Variants in CPT1C observed in about 807,000 individuals in gnomAD.
CPT1C encodes the protein carnitine palmitoyltransferase 1C, also known as palmitoyl thioesterase CPT1C.
Under a neutral mutation model 97.3 loss-of-function variants are expected in CPT1C, and 61 were observed. That is an observed-to-expected ratio of 0.63 (90% CI 0.51 to 0.78). CPT1C has a LOEUF of 0.78. Among genes scored for constraint, CPT1C ranks in the 30% least tolerant of loss-of-function variants. CPT1C has a pLI of 0.00. For synonymous variants in CPT1C, 469 were observed against 447.2 expected (o/e 1.05, Z -0.61); for missense variants, 975 against 1,065.5 (o/e 0.92, Z 1.18).
chr19:49,703,345 A>T (rs1226702431), intron 7 of CPT1C, among the ~76,000 whole-genome samples: 10 of 145,380 alleles, frequency 6.9e-5, no homozygotes, highest in South Asian at 4.3e-4. Context: ...ATACCTGGCT[A>T]ATTTCTTTTT....
At position 49,702,034 on chromosome 19, in the gene CPT1C, T is replaced by TAAATAAATAC. The variant is rs1568521198; in HGVS notation, c.693+401_693+402insAATAAATACA. Among the ~76,000 whole-genome samples the TAAATAAATAC allele has an allele frequency of 6.2e-5, 6 of 96,910 alleles. 1 individual carries two copies. The East Asian group carries it at 1.4e-3, about 23-fold the overall frequency. 63.6% of individuals were successfully genotyped at this position (96,910 alleles called of 152,430 possible). On this transcript the variant is annotated intron_variant, in intron 7 of 19. Coordinates refer to ENST00000598293, the MANE Select transcript of CPT1C (RefSeq NM_001199753.2). ...TATATTTATTTATAAATTATAAATA[T>TAAATAAATAC]ATATTTATTTATAAATTATAAATAT...
chr19:49,703,369 T>G (rs59378031), intron 7 of CPT1C, among the ~76,000 whole-genome samples: 8,291 of 149,064 alleles, frequency 0.056, 761 homozygotes, highest in African/African-American at 0.2. Flanking sequence ...TTTTTTTGTA[T>G]TTTTGTATTT....
At position 49,711,926 on chromosome 19, in the gene CPT1C, C is replaced by G. The variant is rs1277088734; in HGVS notation, c.1984C>G (p.Arg662Gly). 4 of 1,614,078 alleles carry G rather than the reference C, an allele frequency of 2.5e-6. No homozygotes were observed. The highest frequency in any genetic ancestry group is 3.4e-6 in the Non-Finnish European group (4 of 1,180,026). ...CCTGTTTGCGCTGTACATCGTGTCC[C>G]GATTCCTCCACCTGCAGTCGCCCTT... ...RHLFALYIVSRFLHLQSPFLT... is the reference protein window; with the variant it reads ...RHLFALYIVSGFLHLQSPFLT... The change falls in exon 17 of 20, where the codon CGA becomes GGA. Residue 662 changes from arginine to glycine, a missense_variant. Physicochemically the swap from Arg to Gly is moderately radical, Grantham distance 125 (BLOSUM62 -2). Transcript: ENST00000598293.
At position 49,701,690 on chromosome 19, in the gene CPT1C, G is replaced by C. The variant is rs927171451; in HGVS notation, c.693+56G>C. On this transcript the variant is annotated intron_variant, in intron 7 of 19. Transcript: ENST00000598293. ...CCTGAAGGGCTAAGGTTGTGAGCTC[G>C]CCTGCTAAACTTGCGAGTTATACGC... is the stretch of plus-strand genomic sequence containing the variant. 4.0e-6 allele frequency: 6 copies of C among 1,515,146 alleles called. No individual in the cohort carries two copies. The South Asian group carries it at 6.2e-5, about 16-fold the overall frequency. The allele number at this position is 1,515,146 out of a possible 1,614,324, so 93.9% of individuals were successfully genotyped here. A position where few individuals can be genotyped will look rare whatever the true frequency, so the allele number is the denominator to read the frequency against.
chr19:49,706,253 A>G lies in CPT1C; in HGVS notation c.1183A>G (p.Thr395Ala). The G allele has an allele frequency of 6.5e-7, 1 of 1,541,516 alleles. No individual in the cohort carries two copies. The highest frequency in any genetic ancestry group is 8.7e-7 in the Non-Finnish European group (1 of 1,146,746). The change falls in exon 12 of 20, where the codon ACA becomes GCA. Residue 395 changes from threonine to alanine, a missense_variant. Thr to Ala is a moderately conservative substitution (Grantham distance 58). Transcript: ENST00000598293. This position sits in a 1 kb window ranked among gnomAD's most constrained non-coding sequence, Gnocchi z 4.8. ...CAGGGGCACGTGGGCCCAGGTGCGG[A>G]CATCCCTGAAGACCCAGGCAGCGGA... ...APRGTWAQVRTSLKTQAAEAL... is the reference protein window; with the variant it reads ...APRGTWAQVRASLKTQAAEAL...
intron 4 of CPT1C, among the ~76,000 whole-genome samples, chr19:49,699,787 T>G (rs1404693087): frequency 6.6e-6 from 1 of 152,106 alleles, no homozygotes; most frequent in African/African-American, 2.4e-5. Flanking sequence ...AAACCCTCTC[T>G]ACTAAAAATG....
intron 7 of CPT1C, among the ~76,000 whole-genome samples, chr19:49,701,931 AATATTTATAAATTTATATATAAAT>A (rs1370941901): frequency 2.6e-5 from 2 of 76,806 alleles, no homozygotes; most frequent in African/African-American, 1.6e-4. Flanking sequence ...TACAAATATT[AATATTTATAAATTTATATATAAAT>A]ATATTTATAT....
intron 16 of CPT1C, 60 bp downstream of exon 16, chr19:49,710,917 A>C: frequency 6.5e-7 from 1 of 1,543,038 alleles, no homozygotes; most frequent in South Asian, 1.2e-5. Context: ...ATCCACTTGC[A>C]AACGTTGATG....
Position 49,713,453 on chromosome 19 carries a change from G to C in CPT1C, c.2260G>C (p.Ala754Pro). 2 of 1,613,974 alleles carry C rather than the reference G, an allele frequency of 1.2e-6. No homozygotes were observed. Among genetic ancestry groups the C allele is most frequent in the Non-Finnish European group, 1.7e-6 (2 of 1,179,906 alleles). ...CAGGCTGGGGCAGCACATTGAGGAC[G>C]CACTGCTGGATGTGGCCTCCCTGTT... ...SHRLGQHIED[A>P]LLDVASLFQA... Residue 754 changes from alanine to proline, a missense_variant, in exon 20 of 20, where the codon GCA becomes CCA. Ala to Pro is a conservative substitution (Grantham distance 27). Transcript: ENST00000598293.
At chr19:49,712,874 C>A (rs1391573803) in intron 18 of CPT1C, 25 bp downstream of exon 18, 3 of 1,604,326 alleles carry the variant, frequency 1.9e-6, no homozygotes, top group Non-Finnish European at 2.6e-6. Flanking sequence ...GCGCGCTGGC[C>A]CCCAGAGGAA....
Position 49,706,438 on chromosome 19 carries a change from C to G in CPT1C, c.1343+25C>G. 1 of 1,440,240 alleles carries G rather than the reference C, an allele frequency of 6.9e-7. No homozygotes were observed. Among genetic ancestry groups the G allele is most frequent in the South Asian group, 1.5e-5 (1 of 68,702 alleles). The allele number at this position is 1,440,240 out of a possible 1,614,324, so 89.2% of individuals were successfully genotyped here. A position where few individuals can be genotyped will look rare whatever the true frequency, so the allele number is the denominator to read the frequency against. On this transcript the variant is annotated intron_variant, in intron 12 of 19. Transcript: ENST00000598293. This position sits in a 1 kb window ranked among gnomAD's most constrained non-coding sequence, Gnocchi z 4.8. ...GGTGAGTGAGTCTTGGGATGGGGCCCCCAGATGTGGCACCCGAGAATCCAG... is the reference window on the plus strand; with the variant it reads ...GGTGAGTGAGTCTTGGGATGGGGCCGCCAGATGTGGCACCCGAGAATCCAG...
Position 49,706,885 on chromosome 19 carries a change from G to A in CPT1C, c.1343+472G>A, listed in dbSNP as rs2083528752. ...CCAGACCTAGAGATTCTCAGGCCTG[G>A]CAGGCATCACTGAATTCCTAGGCCC... On this transcript the variant is annotated intron_variant, in intron 12 of 19. Coordinates refer to ENST00000598293, the MANE Select transcript of CPT1C (RefSeq NM_001199753.2). This position sits in a 1 kb window ranked among gnomAD's most constrained non-coding sequence, Gnocchi z 4.8. Among the ~76,000 whole-genome samples, 2 of 152,146 alleles carry A rather than the reference G, an allele frequency of 1.3e-5. No individual in the cohort carries two copies. The highest frequency in any genetic ancestry group is 4.1e-4 in the South Asian group (2 of 4,824).
In CPT1C at chr19:49,708,802, C is replaced by G. The variant is rs781152018; in HGVS notation, c.1529C>G (p.Pro510Arg). 5 of 1,613,744 alleles carry G rather than the reference C, an allele frequency of 3.1e-6. No homozygotes were observed. The highest frequency in any genetic ancestry group is 2.7e-5 in the African/African-American group (2 of 74,896). The change falls in exon 14 of 20, where the codon CCC becomes CGC. Residue 510 changes from proline (P) to arginine (R), a missense_variant. Coordinates refer to ENST00000598293, the MANE Select transcript of CPT1C (RefSeq NM_001199753.2). ...AAGGGGCACCCGGACCCCACACTAC[C>G]CCAGCCCCAGCGGCTGCAATGGGAC... ...HCKGHPDPTL[P>R]QPQRLQWDLP...
At chr19:49,694,586 G>T (rs572159245) in intron 3 of CPT1C, among the ~76,000 whole-genome samples, 26 of 145,022 alleles carry the variant, frequency 1.8e-4, no homozygotes, top group Non-Finnish European at 3.7e-4. Flanking sequence ...CCAAGATTGC[G>T]CCACTGCACT....
Position 49,692,228 on chromosome 19 carries a change from GC to G in CPT1C, c.-14-8del. On this transcript the variant is annotated splice_polypyrimidine_tract_variant and intron_variant, in intron 2 of 19. Transcript: ENST00000598293. ...GGCTGGGGTCCTGAAGTATGACTCT[GC>G]CCGACTCAGGGCTCCAGCGTGACAT... 1 of 1,611,934 alleles carries G rather than the reference GC, an allele frequency of 6.2e-7. No homozygotes were observed. Among genetic ancestry groups the G allele is most frequent in the Non-Finnish European group, 8.5e-7 (1 of 1,179,828 alleles).
chr19:49,709,851 C>T (rs540821719), intron 14 of CPT1C, among the ~76,000 whole-genome samples: 4 of 145,304 alleles, frequency 2.8e-5, no homozygotes, highest in East Asian at 2.0e-4. Context: ...CCACCGCGCC[C>T]GGCATTTTTT....
chr19:49,705,879 C>A, intron 10 of CPT1C, 30 bp from the exon 11 acceptor site: 2 of 1,586,292 alleles, frequency 1.3e-6, no homozygotes, highest in South Asian at 2.3e-5. Context: ...GGCCTTCCTG[C>A]CCCCATGCTT....
At position 49,706,118 on chromosome 19, in the gene CPT1C, G is replaced by A. The variant is rs775260321; in HGVS notation, c.1160+14G>A. 1 of 1,601,654 alleles carries A rather than the reference G, an allele frequency of 6.2e-7. No individual in the cohort carries two copies. Among genetic ancestry groups the A allele is most frequent in the Non-Finnish European group, 8.5e-7 (1 of 1,172,816 alleles). ...AGCTGCTCCCAGGTAAGGGTCAGGG[G>A]TCAGGGGTCAGGGGCTCTCAGAGGC... On this transcript the variant is annotated intron_variant, in intron 11 of 19. Coordinates refer to ENST00000598293, the MANE Select transcript of CPT1C (RefSeq NM_001199753.2). This position sits in a 1 kb window ranked among gnomAD's most constrained non-coding sequence, Gnocchi z 4.8.
At chr19:49,693,167 C>G (rs2082449703) in intron 3 of CPT1C, among the ~76,000 whole-genome samples, 1 of 152,174 alleles carries the variant, frequency 6.6e-6, no homozygotes, top group Admixed American at 6.5e-5. Flanking sequence ...AATGAGCCAC[C>G]GCGCCCGGCC....
Sources: gnomAD v4.1 joint callset for allele counts (sites outside exome capture counted in the v4.1 genomes callset) on GRCh38, gnomAD v4.1.1 for gene constraint, Gnocchi (gnomAD v3.1) non-coding constraint, MANE v1.5 for transcripts, NCBI Gene and HGNC (gene_info 2026-07-23, HGNC 2026-07-21) for gene names.